Variants in SLC25A21 observed in about 807,000 individuals in gnomAD.
SLC25A21 encodes the protein solute carrier family 25 member 21.
A neutral mutation model predicts 43.8 loss-of-function variants in SLC25A21; 47 were observed. The observed-to-expected ratio is 1.07, with a 90% CI of 0.85 to 1.37. SLC25A21 has a LOEUF of 1.37. SLC25A21 is among the 40% of genes most tolerant of loss of function. The pLI, the probability that SLC25A21 is intolerant of heterozygous loss-of-function variation, is 0.00. For synonymous variants in SLC25A21, 131 were observed against 121.3 expected, an observed-to-expected ratio of 1.08 and a Z score of -0.52; for missense variants, 352 against 350.2, an observed-to-expected ratio of 1.00 and a Z score of -0.04.
chr14:36,899,027 C>T (rs989424246), intron 1 of SLC25A21, among the ~76,000 whole-genome samples: 1 of 152,086 alleles, frequency 6.6e-6, no homozygotes, highest in African/African-American at 2.4e-5. Flanking sequence ...CAAATTAGTA[C>T]AATTGTACTA....
At chr14:37,004,525 G>T (rs1046459123) in intron 1 of SLC25A21, among the ~76,000 whole-genome samples, 1 of 152,202 alleles carries the variant, frequency 6.6e-6, no homozygotes, top group African/African-American at 2.4e-5. Context: ...AAATCCACTA[G>T]ACAGGAAGAC....
At chr14:37,169,907 AT>A (rs960778297) in intron 1 of SLC25A21, among the ~76,000 whole-genome samples, 4 of 152,106 alleles carry the variant, frequency 2.6e-5, no homozygotes, top group African/African-American at 7.2e-5. Flanking sequence ...CAACTATGCT[AT>A]TTTTTATCTT....
At chr14:36,995,268 G>T (rs916573375) in intron 1 of SLC25A21, among the ~76,000 whole-genome samples, 1 of 152,030 alleles carries the variant, frequency 6.6e-6, no homozygotes, top group African/African-American at 2.4e-5. Context: ...CTACATACAT[G>T]GTTATCCTAA....
At chr14:36,835,640 C>T (rs1210956347) in intron 2 of SLC25A21, among the ~76,000 whole-genome samples, 1 of 152,186 alleles carries the variant, frequency 6.6e-6, no homozygotes, top group Non-Finnish European at 1.5e-5. Flanking sequence ...TACAAACACA[C>T]AAGGACCCTA....
rs150916741 is a variant in SLC25A21 at position 36,838,831 on chromosome 14, C to A, written c.120-24830G>T. On this transcript the variant is annotated intron_variant, in intron 2 of 9. Coordinates refer to ENST00000331299, the MANE Select transcript of SLC25A21 (RefSeq NM_030631.4). ...CTTAGTAGTCGCCAGTAGAAACACACCTTTCTCCCTTAATAAGAATTTTAG... is the reference window on the plus strand; with the variant it reads ...CTTAGTAGTCGCCAGTAGAAACACAACTTTCTCCCTTAATAAGAATTTTAG... Among the ~76,000 whole-genome samples, 284 of 152,272 alleles carry A rather than the reference C, an allele frequency of 1.9e-3. 3 individuals carry two copies. Among genetic ancestry groups the A allele is most frequent in the African/African-American group, 6.7e-3 (280 of 41,550 alleles).
At position 37,107,828 on chromosome 14, in the gene SLC25A21, T is replaced by G. The variant is rs1177890706; in HGVS notation, c.70+64453A>C. On this transcript the variant is annotated intron_variant, in intron 1 of 9. Transcript: ENST00000331299. The stretch of plus-strand genomic sequence containing the variant: ...ATACTTGGCAAGAGTACAGGGGAAG[T>G]CTGAGAAGCACAGAGAAGTGGAAGC... 2.0e-5 allele frequency among the ~76,000 whole-genome samples: 3 copies of G among 152,120 alleles called. No individual in the cohort carries two copies. In the South Asian group the frequency reaches 6.2e-4, roughly 32 times the overall value.
chr14:36,784,535 T>C (rs972274226), intron 3 of SLC25A21, among the ~76,000 whole-genome samples: 2 of 152,198 alleles, frequency 1.3e-5, no homozygotes, highest in Non-Finnish European at 2.9e-5. Context: ...CTCTCAGGGT[T>C]TGAGAGAGCT....
intron 1 of SLC25A21, among the ~76,000 whole-genome samples, chr14:37,012,330 T>C (rs1031905218): frequency 4.6e-5 from 7 of 152,358 alleles, no homozygotes; most frequent in African/African-American, 1.7e-4. Flanking sequence ...GCATCAAATG[T>C]GTTCTTTTTA....
intron 2 of SLC25A21, 38 bp downstream of exon 2, chr14:36,874,918 A>T: frequency 6.3e-7 from 1 of 1,580,794 alleles, no homozygotes. Flanking sequence ...TTTGGATATT[A>T]GCCAAAGTCA....
In SLC25A21 at chr14:36,711,497, A is replaced by C; in HGVS notation, c.439-15T>G. The stretch of plus-strand genomic sequence containing the variant: ...GTGGATGGTTGCTGCAGAAGAGAGA[A>C]GCAAGGCCAGAATGATCATCTTTGG... On this transcript the variant is annotated splice_polypyrimidine_tract_variant and intron_variant, in intron 6 of 9. Coordinates refer to ENST00000331299, the MANE Select transcript of SLC25A21 (RefSeq NM_030631.4). The C allele has an allele frequency of 6.2e-7, 1 of 1,611,860 alleles. No homozygotes were observed. Among genetic ancestry groups the C allele is most frequent in the Non-Finnish European group, 8.5e-7 (1 of 1,179,160 alleles).
chr14:36,878,042 A>G (rs921576557), intron 1 of SLC25A21, among the ~76,000 whole-genome samples: 2 of 152,112 alleles, frequency 1.3e-5, no homozygotes, highest in African/African-American at 4.8e-5. Flanking sequence ...CATCTTCTCC[A>G]TTTAATCCCC....
chr14:36,938,255 C>T lies in SLC25A21; in HGVS notation c.71-63251G>A, dbSNP rs138623287. Among the ~76,000 whole-genome samples the T allele has an allele frequency of 4.9e-3, 747 of 152,212 alleles. 4 individuals are homozygous for T. Among genetic ancestry groups the T allele is most frequent in the Non-Finnish European group, 9.3e-3 (630 of 67,998 alleles). On this transcript the variant is annotated intron_variant, in intron 1 of 9. Transcript: ENST00000331299. ...CTAGATTTCAATTTAAACAGACTCA[C>T]GTATGGTAACAAATCAACTCCCCTA...
At chr14:37,121,958 G>A (rs1310911546) in intron 1 of SLC25A21, among the ~76,000 whole-genome samples, 3 of 79,218 alleles carry the variant, frequency 3.8e-5, no homozygotes, top group African/African-American at 9.1e-5. Flanking sequence ...CCCAGAGACA[G>A]CAATAAACCC....
At chr14:36,965,996 A>T (rs1402839349) in intron 1 of SLC25A21, among the ~76,000 whole-genome samples, 1 of 152,222 alleles carries the variant, frequency 6.6e-6, no homozygotes, top group Non-Finnish European at 1.5e-5. Flanking sequence ...TGTACCCCAT[A>T]AATATATACA....
Position 37,172,374 on chromosome 14 carries a change from G to A in SLC25A21, c.-24C>T, listed in dbSNP as rs1452404591. The A allele has an allele frequency of 6.3e-7, 1 of 1,583,072 alleles. No homozygotes were observed. Among genetic ancestry groups the A allele is most frequent in the Non-Finnish European group, 8.6e-7 (1 of 1,164,232 alleles). ...ATCTTCGCCAGGCGGGAGGACAAGG[G>A]AGTGGGCTGAGATGCGTCAACGAGC... On this transcript the variant is annotated 5_prime_UTR_variant, in exon 1 of 10. Coordinates refer to ENST00000331299, the MANE Select transcript of SLC25A21 (RefSeq NM_030631.4).
At chr14:36,763,117 T>C (rs1354682762) in intron 3 of SLC25A21, among the ~76,000 whole-genome samples, 2 of 152,148 alleles carry the variant, frequency 1.3e-5, no homozygotes, top group South Asian at 2.1e-4. Flanking sequence ...AGTTGTTTTA[T>C]AAAACAAGCA....
intron 1 of SLC25A21, among the ~76,000 whole-genome samples, chr14:37,041,838 A>C (rs1330613277): frequency 6.6e-6 from 1 of 152,210 alleles, no homozygotes; most frequent in Non-Finnish European, 1.5e-5. Context: ...AGTTCTCTCA[A>C]TAGCACTTCC....
chr14:37,036,717 T>C (rs1241086135), intron 1 of SLC25A21, among the ~76,000 whole-genome samples: 2 of 152,256 alleles, frequency 1.3e-5, no homozygotes, highest in Admixed American at 1.3e-4. Context: ...ATTTTGAAGT[T>C]CAATTCACCC....
At chr14:37,099,978 T>C (rs186786876) in intron 1 of SLC25A21, among the ~76,000 whole-genome samples, 2 of 152,266 alleles carry the variant, frequency 1.3e-5, no homozygotes, top group East Asian at 3.9e-4. Flanking sequence ...CTTCACATCC[T>C]CCTCTCCCTG....
Sources: allele counts gnomAD v4.1 joint callset (sites outside exome capture counted in the v4.1 genomes callset), GRCh38; gene constraint gnomAD v4.1.1; transcripts MANE v1.5; gene names NCBI Gene and HGNC (gene_info 2026-07-23, HGNC 2026-07-21).